Variants in ARSL observed in about 807,000 individuals in gnomAD.
The protein encoded by ARSL is arylsulfatase E (chondrodysplasia punctata 1).
ARSL carries 4 observed loss-of-function variants against 31.1 expected under a neutral mutation model. The ratio of observed to expected loss-of-function variants is 0.13; its 90% confidence interval spans 0.06 to 0.29. The LOEUF is 0.29. Among genes scored for constraint, ARSL ranks in the 10% least tolerant of loss-of-function variants. The pLI is 1.00. For missense variants in ARSL, 312 were observed against 497.8 expected (o/e 0.63, Z 3.55); for synonymous variants, 198 against 209.9 (o/e 0.94, Z 0.49).
intron 7 of ARSL, among the ~76,000 whole-genome samples, chrX:2,945,557 C>T (rs1159118799): frequency 9.0e-6 from 1 of 111,572 alleles, no homozygotes; most frequent in African/African-American, 3.3e-5. Flanking sequence ...GGGATTAAGA[C>T]GTGGACATCT....
chrX:2,966,374 G>T (rs752613735), upstream of ARSL, among the ~76,000 whole-genome samples: 42 of 110,547 alleles, frequency 3.8e-4, no homozygotes, highest in Non-Finnish European at 7.6e-4. Context: ...CTCGTAGGGG[G>T]CCTAAAGGAA....
At chrX:2,944,928 G>C (rs1396362949) in intron 7 of ARSL, among the ~76,000 whole-genome samples, 1 of 109,586 alleles carries the variant, frequency 9.1e-6, no homozygotes, top group Non-Finnish European at 1.9e-5. Flanking sequence ...AAGACAGAAA[G>C]AAGAAAGAAG....
At chrX:2,935,443 C>T (rs2089183911) in intron 10 of ARSL, among the ~76,000 whole-genome samples, 1 of 112,190 alleles carries the variant, frequency 8.9e-6, no homozygotes, top group Admixed American at 9.5e-5. Flanking sequence ...AAAGAGCACA[C>T]ATTGCATGAT....
chrX:2,965,814 T>A (rs1001045694), upstream of ARSL, among the ~76,000 whole-genome samples: 19 of 111,275 alleles, frequency 1.7e-4, no homozygotes, highest in Middle Eastern at 9.3e-3. Context: ...GATAGGAGAA[T>A]CGCTTGAACC....
chrX:2,960,139 G>T lies in ARSL; in HGVS notation c.23+239C>A, dbSNP rs755758447. On this transcript the variant is annotated intron_variant, in intron 2 of 10. Transcript: ENST00000381134. ...AAAAAATTAGCCGGGCGTGGTGGCA[G>T]GCGCCTGTAGTCCCAGCTACTCGGG... Among the ~76,000 whole-genome samples the T allele has an allele frequency of 0.034, 2,954 of 86,364 alleles. 164 individuals carry two copies. The highest frequency in any genetic ancestry group is 0.053 in the Non-Finnish European group (2,216 of 41,624). 75.0% of individuals were successfully genotyped at this position (86,364 alleles called of 115,157 possible).
At chrX:2,961,819 T>C (rs867994684) in intron 1 of ARSL, among the ~76,000 whole-genome samples, 3 of 110,835 alleles carry the variant, frequency 2.7e-5, no homozygotes, top group Non-Finnish European at 5.7e-5. Flanking sequence ...CCACAATCTT[T>C]TCTCTTAACC....
chrX:2,944,498 G>A (rs1354326597), intron 7 of ARSL, among the ~76,000 whole-genome samples: 1 of 105,354 alleles, frequency 9.5e-6, no homozygotes, highest in Non-Finnish European at 1.9e-5. Flanking sequence ...AAAACAAAAA[G>A]TGAGACCCTG....
chrX:2,960,964 A>G (rs1326793203), intron 1 of ARSL, among the ~76,000 whole-genome samples: 2 of 110,673 alleles, frequency 1.8e-5, no homozygotes, highest in East Asian at 5.6e-4. Flanking sequence ...CATGCCTGGA[A>G]TCCCAGCACT....
intron 5 of ARSL, 106 bp from the exon 6 acceptor site, chrX:2,949,833 C>A (rs2089438863): frequency 1.1e-6 from 1 of 912,474 alleles, no homozygotes; most frequent in Non-Finnish European, 1.6e-6. Context: ...CACTGGGGGG[C>A]CAGGAGATTG....
At chrX:2,941,253 T>C (rs1412124677) in intron 8 of ARSL, among the ~76,000 whole-genome samples, 668 of 32,418 alleles carry the variant, frequency 0.021, 5 homozygotes, top group African/African-American at 0.035. Context: ...CAATCTTTTT[T>C]TTTTTTTTTT....
upstream of ARSL, among the ~76,000 whole-genome samples, chrX:2,965,555 A>AG (rs2089692328): frequency 2.1e-5 from 2 of 96,562 alleles, no homozygotes; most frequent in African/African-American, 9.9e-5. Flanking sequence ...AAAAATAAGC[A>AG]AAAAAAAAAG....
chrX:2,952,820 A>AT (rs1355166184), intron 5 of ARSL: 2 of 163,650 alleles, frequency 1.2e-5, no homozygotes, highest in African/African-American at 6.2e-5. Context: ...TTTTTAATTT[A>AT]TTTTTATGTA....
intron 8 of ARSL, among the ~76,000 whole-genome samples, chrX:2,940,833 C>G (rs1028440072): frequency 9.0e-6 from 1 of 111,201 alleles, no homozygotes; most frequent in South Asian, 3.9e-4. Flanking sequence ...TACTTATGAT[C>G]GCTGAGACAG....
chrX:2,947,267 C>T (rs2089399065), intron 6 of ARSL, among the ~76,000 whole-genome samples: 1 of 112,236 alleles, frequency 8.9e-6, no homozygotes, highest in South Asian at 3.7e-4. Context: ...TCTAACTCTA[C>T]TGCTTAATGC....
At position 2,960,679 on chromosome X, in the gene ARSL, A is replaced by G. The variant is rs149108042; in HGVS notation, c.-20-259T>C. Among the ~76,000 whole-genome samples the G allele has an allele frequency of 6.3e-3, 702 of 111,856 alleles. 5 individuals are homozygous for G. Among genetic ancestry groups the G allele is most frequent in the Middle Eastern group, 0.018 (4 of 218 alleles). ...GATGGTCTTCAGAGAAAGAGGAAGA[A>G]AGTGGTCATAGGGTCTCCATCCCCT... On this transcript the variant is annotated intron_variant, in intron 1 of 10. Transcript: ENST00000381134.
intron 1 of ARSL, among the ~76,000 whole-genome samples, chrX:2,961,504 T>C (rs1175739643): frequency 8.9e-6 from 1 of 111,882 alleles, no homozygotes. Context: ...TGACTTACTT[T>C]CCAATCTGAC....
intron 5 of ARSL, among the ~76,000 whole-genome samples, chrX:2,949,980 C>G (rs1007063795): frequency 1.8e-5 from 2 of 111,815 alleles, no homozygotes; most frequent in Admixed American, 1.9e-4. Context: ...TACTGTAAAA[C>G]TGTTCACTTA....
chrX:2,955,676 A>G, intron 3 of ARSL, 139 bp from the exon 4 acceptor site: 1 of 720,470 alleles, frequency 1.4e-6, no homozygotes, highest in Non-Finnish European at 2.1e-6. Context: ...CCCAAAGGTA[A>G]TGTCAAAGAT....
chrX:2,941,799 G>A (rs2089286390), intron 8 of ARSL, among the ~76,000 whole-genome samples: 1 of 111,792 alleles, frequency 8.9e-6, no homozygotes, highest in Non-Finnish European at 1.9e-5. Context: ...ACACGTTCTC[G>A]GGACCTCCTG....
Sources: gnomAD v4.1 joint callset for allele counts (sites outside exome capture counted in the v4.1 genomes callset) on GRCh38, gnomAD v4.1.1 for gene constraint, MANE v1.5 for transcripts, NCBI Gene and HGNC (gene_info 2026-07-23, HGNC 2026-07-21) for gene names.